ZFHX3: variants seen among roughly 807,000 people sequenced by gnomAD.
ZFHX3 encodes zinc finger homeobox protein 3.
In ZFHX3, 42 loss-of-function variants were observed where a neutral mutation model predicts 279.1. The ratio of observed to expected loss-of-function variants is 0.15; its 90% CI spans 0.12 to 0.19. The LOEUF is 0.19. ZFHX3 is among the 10% of genes least tolerant of loss of function. ZFHX3 has a pLI of 1.00. For missense variants in ZFHX3, 4,981 were observed against 4,754.0 expected (o/e 1.05, Z -1.40); for synonymous variants, 2,293 against 1,957.8 (o/e 1.17, Z -4.52).
intron 2 of ZFHX3, among the ~76,000 whole-genome samples, chr16:73,529,629 T>A (rs1195010035): frequency 6.6e-6 from 1 of 152,172 alleles, no homozygotes; most frequent in Non-Finnish European, 1.5e-5. Context: ...TGGGAAAATA[T>A]CCGTCAGAAT....
Position 73,646,302 on chromosome 16 carries a change from CTACT to C in ZFHX3, c.-1547+33874_-1547+33877del, listed in dbSNP as rs1032161568. On this transcript the variant is annotated intron_variant, in intron 2 of 17. Coordinates refer to the ZFHX3 transcript ENST00000641206. ...TGTAAAGACAGTTGCAAAATCAAAA[CTACT>C]TAGAGATGAGACAATGAGGGTACCC... is the stretch of plus-strand genomic sequence containing the variant. Among the ~76,000 whole-genome samples, 9 of 152,110 alleles carry C rather than the reference CTACT, an allele frequency of 5.9e-5. No individual in the cohort carries two copies. In the East Asian group the frequency reaches 1.4e-3, roughly 23 times the overall value.
At chr16:73,031,254 G>A (rs1411794165) in intron 1 of ZFHX3, among the ~76,000 whole-genome samples, 2 of 151,936 alleles carry the variant, frequency 1.3e-5, no homozygotes, top group East Asian at 1.9e-4. Flanking sequence ...AATATCCCAG[G>A]TAGCCGACCA....
intron 3 of ZFHX3, among the ~76,000 whole-genome samples, chr16:73,379,792 T>C (rs1440519045): frequency 6.6e-6 from 1 of 152,232 alleles, no homozygotes; most frequent in South Asian, 2.1e-4. Context: ...TATCCTACTC[T>C]GCAGGGCACT....
intron 2 of ZFHX3, among the ~76,000 whole-genome samples, chr16:73,636,792 A>C (rs969160391): frequency 2.6e-5 from 4 of 152,198 alleles, no homozygotes; most frequent in African/African-American, 9.6e-5. Flanking sequence ...GTTTGTAGCT[A>C]TATGGAAAGA....
chr16:73,013,854 T>C (rs536500867), intron 1 of ZFHX3, among the ~76,000 whole-genome samples: 1 of 152,236 alleles, frequency 6.6e-6, no homozygotes, highest in South Asian at 2.1e-4. Flanking sequence ...ACTGCACCAA[T>C]TCCTCCACAG....
At position 73,582,002 on chromosome 16, in the gene ZFHX3, G is replaced by A. The variant is rs573994415; in HGVS notation, c.-1547+98178C>T. On this transcript the variant is annotated intron_variant, in intron 2 of 17. Transcript: ENST00000641206. ...GAACATATTTTCTATTCAAAATCGT[G>A]AACTGGGTAGGTATACATGCTTCCC... Among the ~76,000 whole-genome samples the A allele has an allele frequency of 1.5e-3, 227 of 151,910 alleles. 1 individual carries two copies. The highest frequency in any genetic ancestry group is 2.6e-3 in the Non-Finnish European group (180 of 68,000).
intron 5 of ZFHX3, among the ~76,000 whole-genome samples, chr16:73,170,565 T>C (rs1263915124): frequency 6.6e-6 from 1 of 152,010 alleles, no homozygotes; most frequent in African/African-American, 2.4e-5. Flanking sequence ...ATTGTTGAAA[T>C]AGTTTGGGTG....
intron 3 of ZFHX3, among the ~76,000 whole-genome samples, chr16:73,433,330 G>A (rs2017941729): frequency 6.6e-6 from 1 of 152,122 alleles, no homozygotes; most frequent in South Asian, 2.1e-4. Context: ...TTGCTTGAGG[G>A]CTGCTGTGGG....
intron 1 of ZFHX3, among the ~76,000 whole-genome samples, chr16:73,016,388 A>T (rs1049211840): frequency 4.8e-5 from 7 of 144,878 alleles, no homozygotes; most frequent in African/African-American, 1.4e-4. Flanking sequence ...GAAGTGGTTT[A>T]AAAAAAAAAC....
At chr16:73,057,805 C>G (rs1002622632) in intron 1 of ZFHX3, among the ~76,000 whole-genome samples, 1 of 150,896 alleles carries the variant, frequency 6.6e-6, no homozygotes, top group Non-Finnish European at 1.5e-5. Context: ...TGGCTCCGAA[C>G]GGGCTCCCGC....
intron 1 of ZFHX3, among the ~76,000 whole-genome samples, chr16:73,697,766 A>G (rs2053210960): frequency 6.6e-6 from 1 of 152,238 alleles, no homozygotes; most frequent in Non-Finnish European, 1.5e-5. Flanking sequence ...TCACAAAAAA[A>G]AAAATAGAAA....
At chr16:73,589,454 G>A (rs1236510666) in intron 2 of ZFHX3, among the ~76,000 whole-genome samples, 4 of 146,294 alleles carry the variant, frequency 2.7e-5, no homozygotes, top group African/African-American at 2.5e-5. Flanking sequence ...AAAAAAGGCT[G>A]GGCACGGTGG....
chr16:73,107,732 T>C (rs1169708087), intron 7 of ZFHX3, among the ~76,000 whole-genome samples: 2 of 152,202 alleles, frequency 1.3e-5, no homozygotes, highest in South Asian at 2.1e-4. Context: ...AGAATGATGA[T>C]AATGGGCTGG....
intron 7 of ZFHX3, among the ~76,000 whole-genome samples, chr16:73,109,022 A>G (rs891578604): frequency 9.8e-5 from 15 of 152,318 alleles, no homozygotes; most frequent in African/African-American, 3.6e-4. Context: ...GGCCGGAGGC[A>G]TCCCTGTTGT....
intron 3 of ZFHX3, among the ~76,000 whole-genome samples, chr16:73,434,598 T>C (rs1040676370): frequency 2.9e-5 from 3 of 104,468 alleles, no homozygotes; most frequent in African/African-American, 1.1e-4. Context: ...TGTTGACTCA[T>C]CTATGGATGG....
At chr16:73,662,658 T>C (rs1468239777) in intron 2 of ZFHX3, among the ~76,000 whole-genome samples, 2 of 152,206 alleles carry the variant, frequency 1.3e-5, no homozygotes, top group African/African-American at 4.8e-5. Context: ...AATATGTTTC[T>C]TTCCTTTGAG....
chr16:73,882,196 G>GT (rs2030189773), intron 1 of ZFHX3, among the ~76,000 whole-genome samples: 1 of 152,068 alleles, frequency 6.6e-6, no homozygotes, highest in Non-Finnish European at 1.5e-5. Context: ...CCACAGATCA[G>GT]TAAGACCCAC....
chr16:73,663,477 T>C (rs1208003328), intron 2 of ZFHX3, among the ~76,000 whole-genome samples: 1 of 152,194 alleles, frequency 6.6e-6, no homozygotes, highest in Admixed American at 6.5e-5. Context: ...CCAGTTCCAA[T>C]TTTGCCAACA....
In ZFHX3 at chr16:73,439,392, C is replaced by T. The variant is rs371038269; in HGVS notation, c.-1291+16611G>A. On this transcript the variant is annotated intron_variant, in intron 3 of 17. Coordinates refer to the ZFHX3 transcript ENST00000641206. ...AGCTCAGCGTGCTATTGCAACTGAC[C>T]TTCATCTTGAGATGAAGTGCGCGTT... Among the ~76,000 whole-genome samples, 227 of 152,192 alleles carry T rather than the reference C, an allele frequency of 1.5e-3. 6 individuals are homozygous for T. The South Asian group carries it at 0.044, about 30-fold the overall frequency.
Sources: allele counts gnomAD v4.1 joint callset (sites outside exome capture counted in the v4.1 genomes callset), GRCh38; gene constraint gnomAD v4.1.1; transcripts MANE v1.5; gene names NCBI Gene and HGNC (gene_info 2026-07-23, HGNC 2026-07-21).